LTBP1: variants seen among roughly 807,000 people sequenced by gnomAD.
LTBP1 encodes the protein latent-transforming growth factor beta-binding protein 1.
LTBP1 carries 129 observed loss-of-function variants against 207.6 expected under a neutral mutation model. That is an observed-to-expected ratio of 0.62 (90% confidence interval 0.54 to 0.72). The LOEUF is 0.72. Among genes scored for constraint, LTBP1 ranks in the 30% least tolerant of loss-of-function variants. The pLI, the probability that LTBP1 is intolerant of heterozygous loss-of-function variation, is 0.00. For missense variants in LTBP1, 2,281 were observed against 2,217.2 expected (o/e 1.03, Z -0.58); for synonymous variants, 963 against 833.7 (o/e 1.16, Z -2.67).
chr2:33,304,103 A>G (rs2094044216), intron 22 of LTBP1, among the ~76,000 whole-genome samples: 1 of 152,230 alleles, frequency 6.6e-6, no homozygotes, highest in Non-Finnish European at 1.5e-5. Flanking sequence ...AGCTTTTAGC[A>G]AACTCGTTCT....
At chr2:33,264,115 G>T (rs2093103740) in intron 15 of LTBP1, among the ~76,000 whole-genome samples, 1 of 151,664 alleles carries the variant, frequency 6.6e-6, no homozygotes, top group African/African-American at 2.4e-5. Flanking sequence ...AATTAGCTGG[G>T]CCTGGTGGCA....
Position 33,020,976 on chromosome 2 carries a change from A to G in LTBP1, c.633A>G (p.Pro211=). ...GGCCACAACTCTGTGTGTGTAAACC[A>G]GGGACCAAGGGCAAAGCCTGTGAAA... ...CLRPQLCVCK[P]GTKGKACETI... Residue 211 remains proline (P), a synonymous_variant, in exon 3 of 34, where the codon CCA becomes CCG. Transcript: ENST00000404816. The G allele has an allele frequency of 1.2e-6, 2 of 1,612,312 alleles. No homozygotes were observed. Among genetic ancestry groups the G allele is most frequent in the South Asian group, 1.1e-5 (1 of 90,754 alleles).
chr2:33,026,405 T>G (rs943917075), intron 3 of LTBP1, among the ~76,000 whole-genome samples: 1 of 152,166 alleles, frequency 6.6e-6, no homozygotes, highest in African/African-American at 2.4e-5. Flanking sequence ...ATATATATAT[T>G]TAGAGTTTTG....
chr2:33,395,313 C>T (rs1043964666), intron 32 of LTBP1, among the ~76,000 whole-genome samples: 5 of 152,068 alleles, frequency 3.3e-5, no homozygotes, highest in Non-Finnish European at 4.4e-5. Flanking sequence ...ACAAAATAAA[C>T]CTATAACTGA....
At chr2:33,091,080 CT>C (rs1200717760) in intron 3 of LTBP1, among the ~76,000 whole-genome samples, 1 of 152,186 alleles carries the variant, frequency 6.6e-6, no homozygotes, top group African/African-American at 2.4e-5. Context: ...GGTAGCAGCA[CT>C]TTTGTGGAGC....
At chr2:33,225,795 C>CT (rs373889389) in intron 9 of LTBP1, among the ~76,000 whole-genome samples, 1 of 152,010 alleles carries the variant, frequency 6.6e-6, no homozygotes, top group East Asian at 1.9e-4. Context: ...GTGAGATCAA[C>CT]TTTTTTTTGC....
intron 3 of LTBP1, among the ~76,000 whole-genome samples, chr2:33,081,128 G>A (rs74375313): frequency 1.7e-5 from 1 of 58,740 alleles, no homozygotes; most frequent in Non-Finnish European, 5.7e-5. Context: ...GGGGAACTTA[G>A]CAAAGCCCCT....
At position 32,973,861 on chromosome 2, in the gene LTBP1, C is replaced by T. The variant is rs547732633; in HGVS notation, c.565+24916C>T. On this transcript the variant is annotated intron_variant, in intron 2 of 33. Coordinates refer to ENST00000404816, the MANE Select transcript of LTBP1 (RefSeq NM_206943.4). ...AACATGTGATATTTGTCTTTTTGTG[C>T]CTGGCTTATTTCATGTCACTTAACA... 2.0e-5 allele frequency among the ~76,000 whole-genome samples: 3 copies of T among 152,236 alleles called. No individual in the cohort carries two copies. The South Asian group carries it at 6.2e-4, about 32-fold the overall frequency.
At chr2:33,061,282 CT>C (rs1347733371) in intron 3 of LTBP1, 1 of 152,118 alleles carries the variant, frequency 6.6e-6, no homozygotes, top group Non-Finnish European at 1.5e-5. Flanking sequence ...CCTATAAACA[CT>C]TTGTCATGCA....
chr2:33,182,801 G>C (rs936927850), intron 5 of LTBP1, among the ~76,000 whole-genome samples: 8 of 148,938 alleles, frequency 5.4e-5, no homozygotes, highest in African/African-American at 7.4e-5. Flanking sequence ...ATTGATTATA[G>C]GGAGCCCTCA....
intron 2 of LTBP1, among the ~76,000 whole-genome samples, chr2:32,974,462 C>T (rs1479859338): frequency 6.6e-6 from 1 of 152,114 alleles, no homozygotes; most frequent in Non-Finnish European, 1.5e-5. Flanking sequence ...GTTGTTTGAG[C>T]TCCTTACATA....
At chr2:33,200,171 A>G (rs1343878825) in intron 7 of LTBP1, among the ~76,000 whole-genome samples, 1 of 152,356 alleles carries the variant, frequency 6.6e-6, no homozygotes, top group African/African-American at 2.4e-5. Context: ...TTGCCAAGTC[A>G]ATCCTAAGCC....
At chr2:33,084,604 C>T (rs766935341) in intron 3 of LTBP1, among the ~76,000 whole-genome samples, 9 of 152,116 alleles carry the variant, frequency 5.9e-5, no homozygotes, top group Non-Finnish European at 7.4e-5. Context: ...CCTTACAGTC[C>T]GTCTCCTTAC....
chr2:33,139,855 A>G (rs906178019), intron 5 of LTBP1, among the ~76,000 whole-genome samples: 6 of 152,202 alleles, frequency 3.9e-5, no homozygotes, highest in African/African-American at 1.2e-4. Context: ...AAAGGTAATA[A>G]TGGTAGATGA....
chr2:33,103,587 G>A (rs191302404), intron 3 of LTBP1, among the ~76,000 whole-genome samples: 1,209 of 18,826 alleles, frequency 0.064, 11 homozygotes, highest in Middle Eastern at 0.12. Context: ...CTCCGTTTAC[G>A]TGTGTGTGTG....
Position 33,347,355 on chromosome 2 carries a change from T to G in LTBP1, c.3857-12T>G, listed in dbSNP as rs2094717975. 2 of 1,613,972 alleles carry G rather than the reference T, an allele frequency of 1.2e-6. No individual in the cohort carries two copies. Among genetic ancestry groups the G allele is most frequent in the African/African-American group, 1.3e-5 (1 of 74,908 alleles). On this transcript the variant is annotated splice_polypyrimidine_tract_variant and intron_variant, in intron 25 of 33. Coordinates refer to ENST00000404816, the MANE Select transcript of LTBP1 (RefSeq NM_206943.4). Reference sequence around the variant, plus strand: ...GGCACACATCTCACTTGGTCTGTGCTCCCTTTTCCAGATGTGAATGAATGT... The same window carrying G: ...GGCACACATCTCACTTGGTCTGTGCGCCCTTTTCCAGATGTGAATGAATGT...
chr2:33,079,177 C>G (rs2078258755), intron 3 of LTBP1, among the ~76,000 whole-genome samples: 2 of 152,132 alleles, frequency 1.3e-5, no homozygotes, highest in Non-Finnish European at 2.9e-5. Context: ...TAATGAAACA[C>G]TTTGCATCAG....
intron 2 of LTBP1, among the ~76,000 whole-genome samples, chr2:32,994,022 A>G (rs1684862361): frequency 7.8e-6 from 1 of 128,400 alleles, no homozygotes; most frequent in Non-Finnish European, 1.8e-5. Flanking sequence ...GGGGTTATTC[A>G]GGGACCATTC....
chr2:33,028,964 A>T (rs2075561044), intron 3 of LTBP1, among the ~76,000 whole-genome samples: 1 of 152,210 alleles, frequency 6.6e-6, no homozygotes, highest in African/African-American at 2.4e-5. Context: ...AGTACTCATG[A>T]ATATTCAATT....
Sources: allele counts gnomAD v4.1 joint callset (sites outside exome capture counted in the v4.1 genomes callset), GRCh38; gene constraint gnomAD v4.1.1; transcripts MANE v1.5; gene names NCBI Gene and HGNC (gene_info 2026-07-23, HGNC 2026-07-21).